Variants in ITGA1 observed in about 807,000 individuals in gnomAD.
The protein encoded by ITGA1 is integrin alpha-1.
In ITGA1, 85 loss-of-function variants were observed where a neutral mutation model predicts 145.9. That is an observed-to-expected ratio of 0.58 (90% CI 0.49 to 0.70). ITGA1 has a LOEUF of 0.70. ITGA1 is among the 30% of genes least tolerant of loss of function. ITGA1 has a pLI of 0.00. For missense variants in ITGA1, 1,351 were observed against 1,418.7 expected (o/e 0.95, Z 0.77); for synonymous variants, 520 against 495.3 (o/e 1.05, Z -0.66).
chr5:52,825,779 G>A (rs943119513), intron 1 of ITGA1, among the ~76,000 whole-genome samples: 8 of 152,088 alleles, frequency 5.3e-5, no homozygotes, highest in African/African-American at 9.7e-5. Context: ...TTAGCTGGGC[G>A]TGGTGGCGCC....
chr5:52,814,430 C>G (rs1305526213), intron 1 of ITGA1, among the ~76,000 whole-genome samples: 1 of 152,052 alleles, frequency 6.6e-6, no homozygotes, highest in South Asian at 2.1e-4. Flanking sequence ...GAGCACTGTG[C>G]GAGCCCACAA....
chr5:52,800,832 C>T (rs1324850419), intron 1 of ITGA1: 1 of 1,609,358 alleles, frequency 6.2e-7, no homozygotes, highest in Non-Finnish European at 8.5e-7. Flanking sequence ...AGGAAGGCCT[C>T]GCCCATATCT....
chr5:52,807,707 A>C (rs1207940530), intron 1 of ITGA1, among the ~76,000 whole-genome samples: 1 of 152,152 alleles, frequency 6.6e-6, no homozygotes, highest in African/African-American at 2.4e-5. Flanking sequence ...ATCTACCTGG[A>C]TCATAGTGGA....
chr5:52,860,271 G>A (rs2111769403), intron 2 of ITGA1, among the ~76,000 whole-genome samples: 1 of 152,260 alleles, frequency 6.6e-6, no homozygotes, highest in Non-Finnish European at 1.5e-5. Flanking sequence ...CATCTGGCTG[G>A]GCGTGGTGGC....
intron 11 of ITGA1, among the ~76,000 whole-genome samples, chr5:52,900,600 T>C (rs2111833806): frequency 6.6e-6 from 1 of 152,314 alleles, no homozygotes; most frequent in East Asian, 1.9e-4. Context: ...AAATAAAAAT[T>C]ATAAAGCTGC....
At chr5:52,805,644 A>C (rs1431600368) in intron 1 of ITGA1, among the ~76,000 whole-genome samples, 3 of 152,146 alleles carry the variant, frequency 2.0e-5, no homozygotes, top group Non-Finnish European at 4.4e-5. Context: ...AGTGGTGGTT[A>C]AATTTACTAA....
intron 1 of ITGA1, among the ~76,000 whole-genome samples, chr5:52,822,862 A>G (rs2113051): frequency 0.26 from 39,047 of 152,100 alleles, 5,365 homozygotes; most frequent in Non-Finnish European, 0.3. Flanking sequence ...TTTCTGCTCT[A>G]GGTTTGGTCA....
chr5:52,942,957 C>T (rs1478220600), intron 26 of ITGA1, among the ~76,000 whole-genome samples: 1 of 152,102 alleles, frequency 6.6e-6, no homozygotes, highest in Non-Finnish European at 1.5e-5. Context: ...TTTATGAATT[C>T]TAGGAGTTTT....
chr5:52,852,555 T>C (rs575866453), intron 2 of ITGA1, among the ~76,000 whole-genome samples: 14 of 152,234 alleles, frequency 9.2e-5, no homozygotes, highest in Admixed American at 8.5e-4. Flanking sequence ...TACTGGCTCA[T>C]TGGGAAATGG....
intron 3 of ITGA1, among the ~76,000 whole-genome samples, chr5:52,864,485 C>T (rs547261744): frequency 2.6e-5 from 4 of 152,274 alleles, no homozygotes; most frequent in South Asian, 4.1e-4. Context: ...TTAGCAAGAA[C>T]GTGCAAAAAG....
chr5:52,802,114 ATG>A, intron 1 of ITGA1: 1 of 330,988 alleles, frequency 3.0e-6, no homozygotes, highest in Non-Finnish European at 5.6e-6. Flanking sequence ...GAAACAGAAA[ATG>A]TGTGTATTTA....
intron 11 of ITGA1, 49 bp downstream of exon 11, chr5:52,898,432 T>C (rs757413825): frequency 6.8e-7 from 1 of 1,471,408 alleles, no homozygotes; most frequent in Non-Finnish European, 9.2e-7. Context: ...TTTCCATTTT[T>C]TACCTTTAGC....
chr5:52,818,563 G>A (rs959211336), intron 1 of ITGA1, among the ~76,000 whole-genome samples: 2 of 152,154 alleles, frequency 1.3e-5, no homozygotes, highest in East Asian at 1.9e-4. Context: ...ACTATTTCCC[G>A]CATTCACCTT....
chr5:52,793,383 TTCTG>T (rs1748279421), intron 1 of ITGA1, among the ~76,000 whole-genome samples: 1 of 152,056 alleles, frequency 6.6e-6, no homozygotes, highest in African/African-American at 2.4e-5. Flanking sequence ...CCTGAAATAT[TTCTG>T]TCTATCCAAA....
rs1561246314 is a variant in ITGA1 at position 52,911,541 on chromosome 5, CATAT to C, written c.1857+1124_1857+1127del. ...AGTATATATATCTATATATTAGATA[CATAT>C]ACTATATATAGTGTATCTACTATAT... On this transcript the variant is annotated intron_variant, in intron 14 of 28. Coordinates refer to ENST00000282588, the MANE Select transcript of ITGA1 (RefSeq NM_181501.2). Among the ~76,000 whole-genome samples, 28 of 103,636 alleles carry C rather than the reference CATAT, an allele frequency of 2.7e-4. 2 individuals are homozygous for C. Among genetic ancestry groups the C allele is most frequent in the Non-Finnish European group, 2.6e-4 (14 of 54,464 alleles). The allele number at this position is 103,636 out of a possible 152,430, so 68.0% of individuals were successfully genotyped here.
In ITGA1 at chr5:52,879,917, T is replaced by C. The variant is rs891362170; in HGVS notation, c.625-1956T>C. Among the ~76,000 whole-genome samples the C allele has an allele frequency of 7.2e-5, 11 of 152,358 alleles. No individual in the cohort carries two copies. The South Asian group carries it at 1.9e-3, about 26-fold the overall frequency. ...CTCTAGTTATTTCTTATTTATCTTA[T>C]ACCTAACTAAGCAACTTTAGGAGAG... On this transcript the variant is annotated intron_variant, in intron 6 of 28. Coordinates refer to ENST00000282588, the MANE Select transcript of ITGA1 (RefSeq NM_181501.2).
At chr5:52,800,183 A>G (rs114511828) in intron 1 of ITGA1, 7 of 585,514 alleles carry the variant, frequency 1.2e-5, no homozygotes, top group Non-Finnish European at 2.1e-5. Context: ...TGTTAGACGC[A>G]GCGCGCCGGG....
chr5:52,839,238 A>G (rs1347103799), intron 1 of ITGA1, among the ~76,000 whole-genome samples: 1 of 152,226 alleles, frequency 6.6e-6, no homozygotes, highest in African/African-American at 2.4e-5. Flanking sequence ...CATATGAATG[A>G]TCATATTTCT....
intron 1 of ITGA1, among the ~76,000 whole-genome samples, chr5:52,810,325 C>G (rs1021548045): frequency 3.9e-5 from 6 of 152,220 alleles, no homozygotes; most frequent in Non-Finnish European, 7.3e-5. Context: ...TGGGGCTGGA[C>G]ACTAGAAAGA....
Sources: gnomAD v4.1 joint callset for allele counts (sites outside exome capture counted in the v4.1 genomes callset) on GRCh38, gnomAD v4.1.1 for gene constraint, MANE v1.5 for transcripts, NCBI Gene and HGNC (gene_info 2026-07-23, HGNC 2026-07-21) for gene names.